C20orf96: variants seen among roughly 807,000 people sequenced by gnomAD.
C20orf96 encodes chromosome 20 open reading frame 96.
C20orf96 carries 57 observed loss-of-function variants against 52.6 expected under a neutral mutation model. The observed-to-expected ratio is 1.08, with a 90% CI of 0.88 to 1.35. The LOEUF is 1.35. C20orf96 is among the 40% of genes most tolerant of loss of function. The pLI is 0.00. For missense variants in C20orf96, 478 were observed against 443.6 expected (o/e 1.08, Z -0.70); for synonymous variants, 168 against 157.2 (o/e 1.07, Z -0.51).
intron 9 of C20orf96, 112 bp from the exon 10 acceptor site, chr20:276,198 C>G: frequency 6.4e-7 from 1 of 1,571,344 alleles, no homozygotes. Flanking sequence ...GGTATGGGTT[C>G]TGTCACTGGG....
rs746597205 is a variant in C20orf96, at chr20:278,347, T to G, written c.548A>C (p.Lys183Thr). 1 of 1,613,882 alleles carries G rather than the reference T, an allele frequency of 6.2e-7. No homozygotes were observed. Among genetic ancestry groups the G allele is most frequent in the Admixed American group, 1.7e-5 (1 of 60,026 alleles). Residue 183 changes from lysine to threonine, a missense_variant, in exon 6 of 11, where the codon AAG becomes ACG. Lys to Thr is a moderately conservative substitution (Grantham distance 78, BLOSUM62 -1). Transcript: ENST00000360321. The stretch of plus-strand genomic sequence containing the variant: ...ATTCTTACAGCTCATCTTGCATTTC[T>G]TCTTTTCTTCCCACTCCTGAAGCTC... ...KSELQEWEEK[K>T]KCKMSYLEQQ... is the part of the protein sequence containing the mutation.
intron 4 of C20orf96, among the ~76,000 whole-genome samples, chr20:281,479 C>T (rs1240419352): frequency 6.6e-6 from 1 of 152,190 alleles, no homozygotes; most frequent in Non-Finnish European, 1.5e-5. Context: ...TCATTTGTTC[C>T]TGTACTTCCT....
intron 3 of C20orf96, among the ~76,000 whole-genome samples, chr20:284,540 G>A (rs2122305669): frequency 6.6e-6 from 1 of 152,344 alleles, no homozygotes; most frequent in Admixed American, 6.5e-5. Flanking sequence ...AAGAACTAAT[G>A]AGCCAGACAG....
chr20:290,317 G>C lies in C20orf96; in HGVS notation c.21-10C>G. The C allele has an allele frequency of 1.1e-5, 17 of 1,612,594 alleles. No homozygotes were observed. Among genetic ancestry groups the C allele is most frequent in the Non-Finnish European group, 1.4e-5 (17 of 1,179,304 alleles). ...CCCAGAGTGCTTGGGTCTGGAAAGA[G>C]TTGGGAAGGGAAAGAACTTCCATTA... is the stretch of plus-strand genomic sequence containing the variant. On this transcript the variant is annotated splice_polypyrimidine_tract_variant and intron_variant, in intron 1 of 10. Coordinates refer to ENST00000360321, the MANE Select transcript of C20orf96 (RefSeq NM_153269.3).
At chr20:271,575 G>A (rs112766330) in intron 10 of C20orf96, among the ~76,000 whole-genome samples, 122 of 152,304 alleles carry the variant, frequency 8.0e-4, no homozygotes, top group African/African-American at 2.6e-3. Context: ...ACTCAGCTCT[G>A]AAATGCTGAG....
rs372136593 is a variant in C20orf96, at chr20:277,082, GA to G, written c.786del (p.Gln263ArgfsTer8). 700 of 1,613,896 alleles carry G rather than the reference GA, an allele frequency of 4.3e-4. No homozygotes were observed. The African/African-American group carries it at 7.0e-3, about 16-fold the overall frequency. On this transcript the variant is annotated frameshift_variant, in exon 8 of 11. Transcript: ENST00000360321. LOFTEE classifies it high-confidence loss of function. ...CTCAGAATTTTTTTCTTCTTCTTCT[GA>G]ATCTTGTCAGACAAGGATTCCAGGA... ...RKVLESLSDK[I>X]QKKKKKILSS...
Position 271,115 on chromosome 20 carries a change from C to A in C20orf96, c.*92G>T. On this transcript the variant is annotated 3_prime_UTR_variant, in exon 11 of 11. Coordinates refer to ENST00000360321, the MANE Select transcript of C20orf96 (RefSeq NM_153269.3). Reference sequence around the variant, plus strand: ...GAGCAGGGAGACTGTAGATCAGGGTCTGAATGGAGATCCGGTCCTGGAAGT... The same window carrying A: ...GAGCAGGGAGACTGTAGATCAGGGTATGAATGGAGATCCGGTCCTGGAAGT... The A allele has an allele frequency of 9.2e-7, 1 of 1,083,960 alleles. No individual in the cohort carries two copies. Among genetic ancestry groups the A allele is most frequent in the South Asian group, 1.4e-5 (1 of 73,812 alleles). 67.1% of individuals were successfully genotyped at this position (1,083,960 alleles called of 1,614,324 possible). A position where few individuals can be genotyped will look rare whatever the true frequency, so the allele number is the denominator to read the frequency against.
At position 287,307 on chromosome 20, in the gene C20orf96, C is replaced by A. The variant is rs1379803388; in HGVS notation, c.187+2252G>T. On this transcript the variant is annotated intron_variant, in intron 3 of 10. Coordinates refer to ENST00000360321, the MANE Select transcript of C20orf96 (RefSeq NM_153269.3). ...CCAGCAATTGCGCACAATCTGACGTCTCCTCTTTGCTAGCATTTGGTGTTA... is the reference window on the plus strand; with the variant it reads ...CCAGCAATTGCGCACAATCTGACGTATCCTCTTTGCTAGCATTTGGTGTTA... Among the ~76,000 whole-genome samples the A allele has an allele frequency of 2.0e-5, 3 of 152,216 alleles. No homozygotes were observed. The East Asian group carries it at 5.8e-4, about 29-fold the overall frequency.
At position 271,093 on chromosome 20, in the gene C20orf96, C is replaced by G; in HGVS notation, c.*114G>C. ...AAAGAGGGAGGAAGGGCAGAGGGAG[C>G]AGGGAGACTGTAGATCAGGGTCTGA... is the stretch of plus-strand genomic sequence containing the variant. On this transcript the variant is annotated 3_prime_UTR_variant, in exon 11 of 11. Coordinates refer to ENST00000360321, the MANE Select transcript of C20orf96 (RefSeq NM_153269.3). 1.2e-6 allele frequency: 1 copy of G among 845,104 alleles called. No homozygotes were observed. The highest frequency in any genetic ancestry group is 1.5e-5 in the South Asian group (1 of 66,184). 52.4% of individuals were successfully genotyped at this position (845,104 alleles called of 1,614,324 possible).
chr20:279,173 G>A lies in C20orf96; in HGVS notation c.464C>T (p.Ala155Val), dbSNP rs1221409097. 3 of 1,592,470 alleles carry A rather than the reference G, an allele frequency of 1.9e-6. No individual in the cohort carries two copies. The highest frequency in any genetic ancestry group is 2.6e-6 in the Non-Finnish European group (3 of 1,174,122). ...GCGGGCGGATGCCGCGGGTCTCACCGCCAGGGTGTCCTGCTGCTGCAGCAG... is the reference window on the plus strand; with the variant it reads ...GCGGGCGGATGCCGCGGGTCTCACCACCAGGGTGTCCTGCTGCTGCAGCAG... ...RALLQQQDTL[A>V]TIIDILEYSN... Residue 155 changes from alanine (A) to valine (V), a missense_variant and splice_region_variant, in exon 5 of 11, where the codon GCG becomes GTG. Physicochemically the swap from Ala to Val is moderately conservative, Grantham distance 64. Transcript: ENST00000360321.
At position 276,390 on chromosome 20, in the gene C20orf96, T is replaced by C. The variant is rs904177986; in HGVS notation, c.913-304A>G. The C allele has an allele frequency of 1.1e-5, 11 of 985,152 alleles. No homozygotes were observed. The African/African-American group carries it at 1.9e-4, about 17-fold the overall frequency. The allele number at this position is 985,152 out of a possible 1,614,324, so 61.0% of individuals were successfully genotyped here. A position where few individuals can be genotyped will look rare whatever the true frequency, so the allele number is the denominator to read the frequency against. ...AGGCTGGCAGAGATAGTGAAGGGCA[T>C]ACACATTAAAAACCAGTGAAGAGGC... On this transcript the variant is annotated intron_variant, in intron 9 of 10. Coordinates refer to ENST00000360321, the MANE Select transcript of C20orf96 (RefSeq NM_153269.3).
Position 270,898 on chromosome 20 carries a change from A to C in C20orf96, c.*309T>G. 4 of 369,142 alleles carry C rather than the reference A, an allele frequency of 1.1e-5. No homozygotes were observed. Among genetic ancestry groups the C allele is most frequent in the Non-Finnish European group, 9.9e-6 (2 of 202,624 alleles). 22.9% of individuals were successfully genotyped at this position (369,142 alleles called of 1,614,324 possible). A position where few individuals can be genotyped will look rare whatever the true frequency, so the allele number is the denominator to read the frequency against. On this transcript the variant is annotated 3_prime_UTR_variant, in exon 11 of 11. Transcript: ENST00000360321. ...ATCCAGCTTTATTGGTAAAAAAGGAATAGCAGATTTAATCAGAAATTCCCA... is the reference window on the plus strand; with the variant it reads ...ATCCAGCTTTATTGGTAAAAAAGGACTAGCAGATTTAATCAGAAATTCCCA...
chr20:276,293 C>A, intron 9 of C20orf96: 4 of 985,400 alleles, frequency 4.1e-6, no homozygotes, highest in Non-Finnish European at 4.8e-6. Flanking sequence ...GGTGCTGAAA[C>A]AGGTGAGGGA....
intron 4 of C20orf96, among the ~76,000 whole-genome samples, chr20:279,539 C>A (rs562258854): frequency 2.6e-5 from 4 of 152,290 alleles, no homozygotes; most frequent in African/African-American, 9.6e-5. Context: ...CGCACGTGTA[C>A]CCATCATCTC....
chr20:282,923 A>G (rs1489283728), intron 4 of C20orf96, among the ~76,000 whole-genome samples: 1 of 152,180 alleles, frequency 6.6e-6, no homozygotes, highest in Non-Finnish European at 1.5e-5. Context: ...TCCTTTAAGA[A>G]TACTGGGCTA....
In C20orf96 at chr20:283,408, G is replaced by A. The variant is rs189089263; in HGVS notation, c.306+555C>T. ...AACCTCTGCCTCCCAGGTTCAAGCC[G>A]GTCTCCTGCCTCAGCCTCCCGAGTA... On this transcript the variant is annotated intron_variant, in intron 4 of 10. Transcript: ENST00000360321. Among the ~76,000 whole-genome samples, 728 of 151,908 alleles carry A rather than the reference G, an allele frequency of 4.8e-3. 3 individuals are homozygous for A. Among genetic ancestry groups the A allele is most frequent in the Admixed American group, 7.9e-3 (120 of 15,248 alleles).
intron 4 of C20orf96, among the ~76,000 whole-genome samples, chr20:281,459 AT>A (rs1397269928): frequency 2.6e-5 from 4 of 151,582 alleles, no homozygotes. Context: ...TGCCATAAAT[AT>A]TTGCTCTTTC....
At chr20:278,776 G>T (rs1181041293) in intron 5 of C20orf96, among the ~76,000 whole-genome samples, 3 of 147,176 alleles carry the variant, frequency 2.0e-5, no homozygotes, top group African/African-American at 7.6e-5. Flanking sequence ...AAAGTCTCCC[G>T]GCCAGTGAGT....
intron 9 of C20orf96, chr20:276,588 T>A: frequency 1.0e-6 from 1 of 985,404 alleles, no homozygotes; most frequent in South Asian, 4.7e-5. Context: ...TGCTGGCTAA[T>A]GAGGCAAGGC....
Sources: allele counts gnomAD v4.1 joint callset (sites outside exome capture counted in the v4.1 genomes callset), GRCh38; gene constraint gnomAD v4.1.1; transcripts MANE v1.5; gene names NCBI Gene and HGNC (gene_info 2026-07-23, HGNC 2026-07-21).